The following IQCM variants were observed in gnomAD, a reference collection of about 807,000 sequenced individuals.
The protein encoded by IQCM is IQ domain-containing protein M.
IQCM carries 45 observed loss-of-function variants against 57.6 expected under a neutral mutation model. The ratio of observed to expected loss-of-function variants is 0.78; its 90% CI spans 0.62 to 1.00. IQCM has a LOEUF of 1.00. Among genes scored for constraint, IQCM ranks in the 50% least tolerant of loss-of-function variants. IQCM has a pLI of 0.00. For synonymous variants in IQCM, 148 were observed against 158.9 expected (o/e 0.93, Z 0.51); for missense variants, 468 against 511.6 (o/e 0.91, Z 0.82).
At chr4:149,812,733 C>G (rs1774699746) in intron 2 of IQCM, among the ~76,000 whole-genome samples, 2 of 152,184 alleles carry the variant, frequency 1.3e-5, no homozygotes, top group Middle Eastern at 6.8e-3. Flanking sequence ...TGCCCTTATA[C>G]CAGGTATAAA....
intron 5 of IQCM, among the ~76,000 whole-genome samples, chr4:149,715,363 A>C (rs887097720): frequency 5.3e-5 from 8 of 152,208 alleles, no homozygotes; most frequent in Admixed American, 3.9e-4. Context: ...CAACTCCTGC[A>C]AGGCTGCAGC....
chr4:149,557,925 G>A lies in IQCM; in HGVS notation c.949-4638C>T, dbSNP rs527757914. On this transcript the variant is annotated intron_variant, in intron 10 of 13. Transcript: ENST00000636793. ...CTTAAACTATCCTTCTCTAAACTTCGTAGTGCCTCAATTTATCTACTGCAG... is the reference window on the plus strand; with the variant it reads ...CTTAAACTATCCTTCTCTAAACTTCATAGTGCCTCAATTTATCTACTGCAG... Among the ~76,000 whole-genome samples, 5 of 152,132 alleles carry A rather than the reference G, an allele frequency of 3.3e-5. No individual in the cohort carries two copies. In the South Asian group the frequency reaches 8.3e-4, roughly 25 times the overall value.
chr4:149,487,677 T>G (rs1400413131), intron 12 of IQCM, among the ~76,000 whole-genome samples: 2 of 152,184 alleles, frequency 1.3e-5, no homozygotes, highest in Non-Finnish European at 2.9e-5. Flanking sequence ...AGGTGCAGGC[T>G]ATGCACTGCA....
chr4:149,648,833 CA>C (rs1758892800), intron 7 of IQCM, among the ~76,000 whole-genome samples: 3 of 151,610 alleles, frequency 2.0e-5, no homozygotes, highest in African/African-American at 7.3e-5. Flanking sequence ...ACCAACATGG[CA>C]CACATATACA....
intron 12 of IQCM, among the ~76,000 whole-genome samples, chr4:149,459,307 C>T (rs898961784): frequency 2.6e-5 from 4 of 152,218 alleles, no homozygotes; most frequent in African/African-American, 9.6e-5. Flanking sequence ...TTCTGCCTTG[C>T]CAGTGCCTGG....
At chr4:149,530,148 C>A (rs1410080031) in intron 12 of IQCM, among the ~76,000 whole-genome samples, 2 of 152,114 alleles carry the variant, frequency 1.3e-5, no homozygotes, top group Non-Finnish European at 2.9e-5. Flanking sequence ...AGAAAAATGT[C>A]CCCATCTTGC....
At chr4:149,353,476 C>T (rs1026420490) in intron 13 of IQCM, among the ~76,000 whole-genome samples, 2 of 152,146 alleles carry the variant, frequency 1.3e-5, no homozygotes, top group African/African-American at 4.8e-5. Flanking sequence ...TAAAGATTAT[C>T]TACACGTGCA....
intron 2 of IQCM, among the ~76,000 whole-genome samples, chr4:149,782,166 T>C (rs537846572): frequency 6.6e-6 from 1 of 152,242 alleles, no homozygotes; most frequent in South Asian, 2.1e-4. Context: ...AAGAAAAATT[T>C]ACCCATTCTG....
chr4:149,517,548 G>A (rs1745109297), intron 12 of IQCM, among the ~76,000 whole-genome samples: 1 of 152,162 alleles, frequency 6.6e-6, no homozygotes, highest in Non-Finnish European at 1.5e-5. Context: ...GGTTCAAGTT[G>A]ACAAGGGGTA....
chr4:149,758,585 A>G (rs1769208760), intron 2 of IQCM, among the ~76,000 whole-genome samples: 1 of 152,228 alleles, frequency 6.6e-6, no homozygotes, highest in African/African-American at 2.4e-5. Context: ...TATATCTGAT[A>G]CAGAACTGTT....
intron 12 of IQCM, among the ~76,000 whole-genome samples, chr4:149,546,221 T>C (rs1188039898): frequency 6.6e-6 from 1 of 152,238 alleles, no homozygotes; most frequent in African/African-American, 2.4e-5. Flanking sequence ...CTATCATTGA[T>C]GGACACTTGG....
intron 12 of IQCM, among the ~76,000 whole-genome samples, chr4:149,467,865 T>C (rs1468569052): frequency 6.6e-6 from 1 of 152,182 alleles, no homozygotes; most frequent in Non-Finnish European, 1.5e-5. Context: ...TTGGCTATAC[T>C]TAACTGGAAC....
chr4:149,522,507 T>C (rs1200027730), intron 12 of IQCM, among the ~76,000 whole-genome samples: 7 of 152,140 alleles, frequency 4.6e-5, no homozygotes, highest in Non-Finnish European at 4.4e-5. Context: ...ACAAATATGA[T>C]TTTCTACTTT....
intron 12 of IQCM, among the ~76,000 whole-genome samples, chr4:149,466,541 G>A (rs1738877520): frequency 6.6e-6 from 1 of 152,168 alleles, no homozygotes; most frequent in African/African-American, 2.4e-5. Flanking sequence ...AGTTGGCAAT[G>A]CTTATTTTCA....
In IQCM at chr4:149,743,539, A is replaced by G. The variant is rs1044331860; in HGVS notation, c.-48-800T>C. Among the ~76,000 whole-genome samples the G allele has an allele frequency of 3.9e-5, 6 of 152,326 alleles. No individual in the cohort carries two copies. The Middle Eastern group carries it at 0.014, about 345-fold the overall frequency. ...TGAAAACAAAACTATACTTTATACC[A>G]GTAGTTCTCAATGCTGGATGAATAT... On this transcript the variant is annotated intron_variant, in intron 2 of 13. Transcript: ENST00000636793.
At chr4:149,702,990 T>C (rs2149815546) in intron 5 of IQCM, among the ~76,000 whole-genome samples, 1 of 151,998 alleles carries the variant, frequency 6.6e-6, no homozygotes, top group Non-Finnish European at 1.5e-5. Context: ...AATGTGTGTG[T>C]GGGACAGCCA....
chr4:149,427,091 C>A (rs1449694083), intron 13 of IQCM, among the ~76,000 whole-genome samples: 1 of 151,694 alleles, frequency 6.6e-6, no homozygotes, highest in African/African-American at 2.4e-5. Flanking sequence ...AGATGTTCTT[C>A]CTAGATTTTT....
At chr4:149,477,807 G>A in intron 12 of IQCM, among the ~76,000 whole-genome samples, 1 of 152,122 alleles carries the variant, frequency 6.6e-6, no homozygotes, top group Non-Finnish European at 1.5e-5. Context: ...GACAAAAAAT[G>A]AGAGGGTATA....
chr4:149,732,485 A>G (rs1766549458), intron 5 of IQCM, among the ~76,000 whole-genome samples: 3 of 152,146 alleles, frequency 2.0e-5, no homozygotes, highest in Admixed American at 6.6e-5. Context: ...GTTACACTGT[A>G]TAGTAAGAAA....
Sources: gnomAD v4.1 joint callset for allele counts (sites outside exome capture counted in the v4.1 genomes callset) on GRCh38, gnomAD v4.1.1 for gene constraint, MANE v1.5 for transcripts, NCBI Gene and HGNC (gene_info 2026-07-23, HGNC 2026-07-21) for gene names.